Variants in TMEM273 observed in about 807,000 individuals in gnomAD.
The protein encoded by TMEM273 is chromosome 10 open reading frame 128.
A neutral mutation model predicts 17.9 loss-of-function variants in TMEM273; 19 were observed. The ratio of observed to expected loss-of-function variants is 1.06; its 90% CI spans 0.74 to 1.55. The LOEUF (loss-of-function observed/expected upper bound fraction) is 1.55. Among genes scored for constraint, TMEM273 ranks in the 40% most tolerant of loss-of-function variants. TMEM273 has a pLI of 0.00. For synonymous variants in TMEM273, 66 were observed against 62.0 expected (o/e 1.07, Z -0.31); for missense variants, 194 against 155.6 (o/e 1.25, Z -1.31).
At position 49,161,725 on chromosome 10, in the gene TMEM273, T is replaced by C. The variant is rs189813117; in HGVS notation, c.349-103A>G. 6.2e-6 allele frequency: 9 copies of C among 1,450,600 alleles called. No homozygotes were observed. In the East Asian group the frequency reaches 1.6e-4, roughly 26 times the overall value. 89.9% of individuals were successfully genotyped at this position (1,450,600 alleles called of 1,614,324 possible). A position where few individuals can be genotyped will look rare whatever the true frequency, so the allele number is the denominator to read the frequency against. ...AGTGGCTTGCTTGTCATTAGCTTGC[T>C]CTTTTGGGTCTGACTTCCTCATGAC... On this transcript the variant is annotated intron_variant, in intron 5 of 6. Transcript: ENST00000374153.
intron 1 of TMEM273, among the ~76,000 whole-genome samples, chr10:49,168,829 G>A (rs754717323): frequency 8.5e-5 from 13 of 152,228 alleles, no homozygotes; most frequent in South Asian, 4.1e-4. Flanking sequence ...CACAAACAGC[G>A]CCCTAAAATA....
intron 1 of TMEM273, among the ~76,000 whole-genome samples, chr10:49,170,028 TC>T (rs1170044210): frequency 6.6e-6 from 1 of 151,622 alleles, no homozygotes; most frequent in Non-Finnish European, 1.5e-5. Context: ...TGTTGCTTGG[TC>T]CCCCCTCCCA....
intron 1 of TMEM273, among the ~76,000 whole-genome samples, chr10:49,177,611 G>A (rs1365201349): frequency 6.6e-6 from 1 of 152,216 alleles, no homozygotes. Context: ...TGAGTCACTG[G>A]CTCCGAGGAA....
At chr10:49,164,503 C>T (rs1198929411) in intron 5 of TMEM273, among the ~76,000 whole-genome samples, 1 of 152,180 alleles carries the variant, frequency 6.6e-6, no homozygotes, top group Non-Finnish European at 1.5e-5. Flanking sequence ...TGCTTAGAAC[C>T]CATCTGTAGG....
chr10:49,157,045 A>G (rs1845553952), intron 6 of TMEM273, among the ~76,000 whole-genome samples: 1 of 152,196 alleles, frequency 6.6e-6, no homozygotes. Flanking sequence ...AGTGCCTTTA[A>G]CAAGCCCTGA....
At position 49,165,769 on chromosome 10, in the gene TMEM273, G is replaced by C; in HGVS notation, c.266C>G (p.Pro89Arg). ...SDTIPLKKRA[P>R]RKLQASTLFS... ...ACTGTGTGGGCAGTGACCTTACCTT[G>C]GGGCTCTCTTCTTTAGCGGGATGGT... is the stretch of plus-strand genomic sequence containing the variant. The change falls in exon 4 of 7, where the codon CCA becomes CGA. Residue 89 changes from proline to arginine, a missense_variant. Coordinates refer to ENST00000374153, the MANE Select transcript of TMEM273 (RefSeq NM_001288740.3). The C allele has an allele frequency of 6.2e-7, 1 of 1,614,138 alleles. No individual in the cohort carries two copies. The highest frequency in any genetic ancestry group is 8.5e-7 in the Non-Finnish European group (1 of 1,180,000).
At chr10:49,162,743 G>A (rs1007075153) in intron 5 of TMEM273, among the ~76,000 whole-genome samples, 1 of 152,080 alleles carries the variant, frequency 6.6e-6, no homozygotes, top group African/African-American at 2.4e-5. Flanking sequence ...CAGGGTCTTC[G>A]CCATGGCCAA....
intron 1 of TMEM273, among the ~76,000 whole-genome samples, chr10:49,180,047 C>A (rs1005418994): frequency 6.6e-6 from 1 of 152,172 alleles, no homozygotes; most frequent in Non-Finnish European, 1.5e-5. Flanking sequence ...GGGCTTCATG[C>A]CCAATGAATG....
At chr10:49,165,417 C>A in intron 4 of TMEM273, 134 bp from the exon 5 acceptor site, 4 of 1,512,146 alleles carry the variant, frequency 2.6e-6, no homozygotes, top group East Asian at 4.9e-5. Flanking sequence ...AAACCTGGGA[C>A]AAACCACGTG....
chr10:49,168,653 A>G (rs968064970), intron 1 of TMEM273, among the ~76,000 whole-genome samples: 1 of 139,152 alleles, frequency 7.2e-6, no homozygotes, highest in Non-Finnish European at 1.5e-5. Context: ...GACATTGGTG[A>G]ATGGAAGGAA....
In TMEM273 at chr10:49,155,667, TCCTTCCTCTGTGCAGTCCG is replaced by T. The variant is rs1202835338; in HGVS notation, c.*206_*224del. On this transcript the variant is annotated 3_prime_UTR_variant, in exon 7 of 7. Transcript: ENST00000374153. ...TTCCACTGCAGGCTAAATTGCTCAA[TCCTTCCTCTGTGCAGTCCG>T]TTTCTTCCAGAAGAGGCATGATATT... is the stretch of plus-strand genomic sequence containing the variant. 4 of 630,256 alleles carry T rather than the reference TCCTTCCTCTGTGCAGTCCG, an allele frequency of 6.3e-6. No individual in the cohort carries two copies. The highest frequency in any genetic ancestry group is 1.1e-5 in the Non-Finnish European group (4 of 367,228). The allele number at this position is 630,256 out of a possible 1,614,324, so 39.0% of individuals were successfully genotyped here.
intron 5 of TMEM273, among the ~76,000 whole-genome samples, chr10:49,162,559 GCT>G (rs2132115890): frequency 6.6e-6 from 1 of 152,304 alleles, no homozygotes; most frequent in African/African-American, 2.4e-5. Flanking sequence ...GCGTCCCTGT[GCT>G]GGGGGGAGCT....
intron 1 of TMEM273, among the ~76,000 whole-genome samples, chr10:49,169,545 A>C (rs989886152): frequency 6.6e-6 from 1 of 152,182 alleles, no homozygotes; most frequent in Non-Finnish European, 1.5e-5. Flanking sequence ...GCTTTGTTCT[A>C]ATCACAGATA....
chr10:49,173,402 C>T (rs767667880), intron 1 of TMEM273, among the ~76,000 whole-genome samples: 9 of 152,234 alleles, frequency 5.9e-5, no homozygotes, highest in Non-Finnish European at 1.2e-4. Flanking sequence ...CAGCCCCACA[C>T]AAGCTGGACT....
At chr10:49,175,908 A>G (rs983491282) in intron 1 of TMEM273, among the ~76,000 whole-genome samples, 1 of 152,084 alleles carries the variant, frequency 6.6e-6, no homozygotes, top group Admixed American at 6.5e-5. Context: ...ACAGCCGGAC[A>G]CCCAGCCGAC....
chr10:49,161,506 G>A (rs766460633), intron 6 of TMEM273, 93 bp downstream of exon 6: 2 of 1,547,134 alleles, frequency 1.3e-6, no homozygotes, highest in East Asian at 4.5e-5. Flanking sequence ...CGTGGCCAGG[G>A]GAGGGAGAGG....
intron 1 of TMEM273, among the ~76,000 whole-genome samples, chr10:49,176,297 G>T (rs1466110840): frequency 6.6e-6 from 1 of 152,208 alleles, no homozygotes; most frequent in Admixed American, 6.5e-5. Context: ...AGGTGCTCAG[G>T]TCAGAAAAGA....
Position 49,165,770 on chromosome 10 carries a change from G to A in TMEM273, c.265C>T (p.Pro89Ser), listed in dbSNP as rs202117693. ...SDTIPLKKRA[P>S]RKLQASTLFS... ...CTGTGTGGGCAGTGACCTTACCTTG[G>A]GGCTCTCTTCTTTAGCGGGATGGTG... Residue 89 changes from proline (P) to serine (S), a missense_variant, in exon 4 of 7, where the codon CCA becomes TCA. By Grantham distance (74) the Pro-to-Ser change is moderately conservative. Coordinates refer to ENST00000374153, the MANE Select transcript of TMEM273 (RefSeq NM_001288740.3). The A allele has an allele frequency of 2.5e-4, 400 of 1,613,984 alleles. 2 individuals are homozygous for A. Among genetic ancestry groups the A allele is most frequent in the Admixed American group, 1.2e-4 (7 of 59,998 alleles).
In TMEM273 at chr10:49,165,916, C is replaced by A; in HGVS notation, c.239-120G>T. On this transcript the variant is annotated intron_variant, in intron 3 of 6. Transcript: ENST00000374153. ...CACTCACGGTTGCCCTCGAGAGACC[C>A]GGGGCCTGGCTGCTATGTGATGAAG... The A allele has an allele frequency of 2.4e-6, 3 of 1,265,906 alleles. No homozygotes were observed. In the South Asian group the frequency reaches 4.0e-5, roughly 17 times the overall value. 78.4% of individuals were successfully genotyped at this position (1,265,906 alleles called of 1,614,324 possible).
Sources: gnomAD v4.1 joint callset for allele counts (sites outside exome capture counted in the v4.1 genomes callset) on GRCh38, gnomAD v4.1.1 for gene constraint, MANE v1.5 for transcripts, NCBI Gene and HGNC (gene_info 2026-07-23, HGNC 2026-07-21) for gene names.